The following CFAP74 variants were observed in gnomAD, a reference collection of about 807,000 sequenced individuals.
CFAP74 encodes cilia- and flagella-associated protein 74.
A neutral mutation model predicts 188.9 loss-of-function variants in CFAP74; 124 were observed. That is an observed-to-expected ratio of 0.66 (90% CI 0.57 to 0.76). The LOEUF (loss-of-function observed/expected upper bound fraction) is 0.76, where lower values mean the gene tolerates loss of function less well. CFAP74 is among the 30% of genes least tolerant of loss of function. The probability of loss-of-function intolerance (pLI) is 0.00; values close to 1 mark genes in which losing one functional copy is unlikely to be tolerated. For missense variants in CFAP74, 2,198 were observed against 2,165.2 expected (o/e 1.02, Z -0.30); for synonymous variants, 956 against 916.7 (o/e 1.04, Z -0.77).
intron 6 of CFAP74, among the ~76,000 whole-genome samples, chr1:1,978,272 G>A (rs1235341912): frequency 1.3e-5 from 2 of 152,240 alleles, no homozygotes; most frequent in Non-Finnish European, 2.9e-5. Flanking sequence ...CGGGGGCCTG[G>A]CAGGGATGTT....
Position 1,940,228 on chromosome 1 carries a change from C to T in CFAP74, c.2703+88G>A. 2.8e-6 allele frequency: 3 copies of T among 1,067,074 alleles called. No homozygotes were observed. The South Asian group carries it at 4.1e-5, about 15-fold the overall frequency. The allele number at this position is 1,067,074 out of a possible 1,614,324, so 66.1% of individuals were successfully genotyped here. On this transcript the variant is annotated intron_variant, in intron 23 of 38. Transcript: ENST00000682832. ...AGTGAGGATGAGCCCTTTTGGGGGC[C>T]CTCGCCCGGGTGCTGGGCCTGGCCT...
intron 1 of CFAP74, among the ~76,000 whole-genome samples, chr1:1,993,892 G>T (rs1405360717): frequency 4.0e-5 from 6 of 151,266 alleles, no homozygotes; most frequent in South Asian, 4.2e-4. Context: ...TGAGGCAGGA[G>T]AATGGCGTGA....
chr1:1,988,828 C>T (rs1440152686), intron 3 of CFAP74, 61 bp downstream of exon 3: 4 of 425,292 alleles, frequency 9.4e-6, no homozygotes, highest in South Asian at 8.9e-5. Flanking sequence ...ACCCACCCCC[C>T]CACCCCCACC....
chr1:1,996,943 A>T (rs572991396), intron 1 of CFAP74, among the ~76,000 whole-genome samples: 1 of 151,562 alleles, frequency 6.6e-6, no homozygotes, highest in Non-Finnish European at 1.5e-5. Flanking sequence ...AAAGAAAAAA[A>T]AAAAGAAGAA....
rs1260181321 is a variant in CFAP74, at chr1:1,979,756, C to A, written c.501-5558G>T. ...GAAGGCGTCACGTGACGAGGCTGTGCAGAACACGCGTGTGGTACTGACCTG... is the reference window on the plus strand; with the variant it reads ...GAAGGCGTCACGTGACGAGGCTGTGAAGAACACGCGTGTGGTACTGACCTG... On this transcript the variant is annotated intron_variant, in intron 6 of 38. Coordinates refer to ENST00000682832, the MANE Select transcript of CFAP74 (RefSeq NM_001304360.2). Among the ~76,000 whole-genome samples the A allele has an allele frequency of 1.6e-5, 2 of 124,818 alleles. 1 individual carries two copies. The highest frequency in any genetic ancestry group is 3.5e-5 in the Non-Finnish European group (2 of 57,132). 81.9% of individuals were successfully genotyped at this position (124,818 alleles called of 152,430 possible).
intron 18 of CFAP74, 133 bp downstream of exon 18, chr1:1,955,558 C>T (rs767218755): frequency 1.7e-5 from 28 of 1,611,552 alleles, no homozygotes; most frequent in Admixed American, 3.3e-5. Flanking sequence ...CTTGCTTAAC[C>T]GTCACTTAAC....
In CFAP74 at chr1:1,923,946, G is replaced by A; in HGVS notation, c.4235-17C>T. The stretch of plus-strand genomic sequence containing the variant: ...TCTGCGTCCCTGCGGGTAGGGTGGG[G>A]TGCAGTTTGGCCTTCTCCACCTGCA... On this transcript the variant is annotated splice_polypyrimidine_tract_variant and intron_variant, in intron 34 of 38. Coordinates refer to ENST00000682832, the MANE Select transcript of CFAP74 (RefSeq NM_001304360.2). The surrounding 1 kb of genome is among the most constrained non-coding windows in gnomAD (Gnocchi z 6.3). The A allele has an allele frequency of 1.3e-6, 2 of 1,597,666 alleles. No individual in the cohort carries two copies. The highest frequency in any genetic ancestry group is 1.7e-6 in the Non-Finnish European group (2 of 1,171,732).
intron 28 of CFAP74, 51 bp downstream of exon 28, chr1:1,927,556 C>A: frequency 6.6e-7 from 1 of 1,520,126 alleles, no homozygotes; most frequent in South Asian, 1.2e-5. Context: ...CAGTGGGTCC[C>A]ACCAGAGGGG....
intron 18 of CFAP74, among the ~76,000 whole-genome samples, chr1:1,951,250 T>C (rs1455230052): frequency 1.3e-5 from 2 of 152,172 alleles, no homozygotes; most frequent in Admixed American, 6.6e-5. Context: ...CTCACTATTA[T>C]GAGAACAGCA....
chr1:1,989,827 T>C (rs966557778), intron 2 of CFAP74, among the ~76,000 whole-genome samples: 13 of 152,140 alleles, frequency 8.5e-5, no homozygotes, highest in Admixed American at 2.0e-4. Context: ...TTAGGATAAA[T>C]CTTGACAAGT....
intron 17 of CFAP74, 104 bp downstream of exon 17, chr1:1,956,516 G>C: frequency 7.1e-7 from 1 of 1,404,904 alleles, no homozygotes; most frequent in Non-Finnish European, 9.9e-7. Flanking sequence ...CCTTCTCCCA[G>C]GCCCACTGTT....
At position 1,938,972 on chromosome 1, in the gene CFAP74, G is replaced by C; in HGVS notation, c.2894C>G (p.Pro965Arg). The C allele has an allele frequency of 6.5e-7, 1 of 1,536,042 alleles. No homozygotes were observed. Among genetic ancestry groups the C allele is most frequent in the Non-Finnish European group, 8.7e-7 (1 of 1,146,826 alleles). ...CAGGATCGTCCCAAACCCATCGTTG[G>C]GTTGGACGTCCACAAACTGGAAATA... The part of the protein sequence containing the change: ...VRLPKFVDVQ[P>R]NDGFGTILPL... Residue 965 changes from proline to arginine, a missense_variant, in exon 25 of 39, where the codon CCC (proline) becomes CGC (arginine). Coordinates refer to ENST00000682832, the MANE Select transcript of CFAP74 (RefSeq NM_001304360.2).
In CFAP74 at chr1:1,942,425, G is replaced by A. The variant is rs547218182; in HGVS notation, c.2487-269C>T. On this transcript the variant is annotated intron_variant, in intron 21 of 38. Coordinates refer to ENST00000682832, the MANE Select transcript of CFAP74 (RefSeq NM_001304360.2). This position sits in a 1 kb window ranked among gnomAD's most constrained non-coding sequence, Gnocchi z 4.3. ...AAGCACGGTCCTAATGGGCTCTCGG[G>A]AACCAGATGCTTTCCGGGAAGAGCA... Among the ~76,000 whole-genome samples the A allele has an allele frequency of 6.6e-6, 1 of 152,284 alleles. No homozygotes were observed. Among genetic ancestry groups the A allele is most frequent in the Non-Finnish European group, 1.5e-5 (1 of 68,010 alleles).
Position 1,972,938 on chromosome 1 carries a change from T to G in CFAP74, c.784A>C (p.Arg262=). 1.2e-6 allele frequency: 2 copies of G among 1,610,782 alleles called. No homozygotes were observed. Among genetic ancestry groups the G allele is most frequent in the East Asian group, 4.5e-5 (2 of 44,878 alleles). ...AAGGACGTCGAAGGGAGGCCCTACC[T>G]TCCCAGGGAGGCCTTCAGGAACCGC... is the stretch of plus-strand genomic sequence containing the variant. ...AVRFLKASLG[R]IREQEKKEEM... Residue 262 remains arginine (R), a splice_region_variant and synonymous_variant, in exon 8 of 39, where the codon AGA becomes CGA. Coordinates refer to ENST00000682832, the MANE Select transcript of CFAP74 (RefSeq NM_001304360.2).
chr1:1,959,946 CG>C lies in CFAP74; in HGVS notation c.1761+17del, dbSNP rs775081394. 1.4e-5 allele frequency: 22 copies of C among 1,574,034 alleles called. No homozygotes were observed. The East Asian group carries it at 4.4e-4, about 32-fold the overall frequency. ...CCACCACCTCCCCTTCGAGAGAGAA[CG>C]GGCCCCTCTGACTCACCATCGGCTT... On this transcript the variant is annotated intron_variant, in intron 15 of 38. Coordinates refer to ENST00000682832, the MANE Select transcript of CFAP74 (RefSeq NM_001304360.2).
intron 24 of CFAP74, among the ~76,000 whole-genome samples, chr1:1,939,228 T>C (rs531933975): frequency 4.6e-4 from 70 of 152,096 alleles, no homozygotes; most frequent in Admixed American, 2.9e-3. Context: ...GTGTGTGTGC[T>C]GGGGGGAGAG....
rs1250192586 is a variant in CFAP74, at chr1:1,926,277, C to T, written c.3899G>A (p.Gly1300Asp). 6.5e-7 allele frequency: 1 copy of T among 1,541,904 alleles called. No individual in the cohort carries two copies. The highest frequency in any genetic ancestry group is 8.8e-7 in the Non-Finnish European group (1 of 1,142,014). The part of the protein sequence containing the change: ...LLNHSSLLRA[G>D]GTQVLVLSFS... ...GGAAAGCACCAGGACCTGGGTCCCA[C>T]CTGCACGCAGCAGGCTGGAGTGGTT... The change falls in exon 32 of 39, where the codon GGT becomes GAT. Residue 1300 changes from glycine to aspartate, a missense_variant. Coordinates refer to ENST00000682832, the MANE Select transcript of CFAP74 (RefSeq NM_001304360.2).
At chr1:1,953,926 G>A (rs754632028) in intron 18 of CFAP74, 2 of 152,192 alleles carry the variant, frequency 1.3e-5, no homozygotes, top group African/African-American at 2.4e-5. Flanking sequence ...CCACAGACTC[G>A]GAGGCAGCAC....
At chr1:1,934,994 TAC>T (rs1282346011) in intron 25 of CFAP74, among the ~76,000 whole-genome samples, 1 of 70,890 alleles carries the variant, frequency 1.4e-5, no homozygotes, top group Admixed American at 1.7e-4. Context: ...AGGTTGTAGG[TAC>T]ACACGTGTGT....
Sources: gnomAD v4.1 joint callset for allele counts (sites outside exome capture counted in the v4.1 genomes callset) on GRCh38, gnomAD v4.1.1 for gene constraint, Gnocchi (gnomAD v3.1) non-coding constraint, MANE v1.5 for transcripts, NCBI Gene and HGNC (gene_info 2026-07-23, HGNC 2026-07-21) for gene names.